PUM1: variants seen among roughly 807,000 people sequenced by gnomAD.
PUM1 encodes pumilio RNA binding family member 1, also known as pumilio homolog 1.
Under a neutral mutation model 131.8 loss-of-function variants are expected in PUM1, and 13 were observed. The observed-to-expected ratio is 0.10, with a 90% CI of 0.06 to 0.16. PUM1 has a LOEUF of 0.16. Among genes scored for constraint, PUM1 ranks in the 10% least tolerant of loss-of-function variants. The pLI is 1.00. For missense variants in PUM1, 961 were observed against 1,512.4 expected (o/e 0.64, Z 6.05); for synonymous variants, 509 against 556.5 (o/e 0.91, Z 1.20).
intron 21 of PUM1, among the ~76,000 whole-genome samples, chr1:30,933,686 C>T (rs1052861266): frequency 3.9e-5 from 6 of 152,176 alleles, no homozygotes; most frequent in African/African-American, 1.4e-4. Flanking sequence ...CTGCCCACTA[C>T]CCGCCAGCTG....
chr1:31,031,340 C>A (rs1643421728), intron 2 of PUM1, among the ~76,000 whole-genome samples: 2 of 152,124 alleles, frequency 1.3e-5, no homozygotes, highest in African/African-American at 2.4e-5. Context: ...ATTAAAAATT[C>A]TATTTATATG....
At chr1:30,957,600 T>C (rs1324218471) in intron 14 of PUM1, among the ~76,000 whole-genome samples, 1 of 152,260 alleles carries the variant, frequency 6.6e-6, no homozygotes, top group East Asian at 1.9e-4. Context: ...AGGGCTTAAA[T>C]GTTTTATTTA....
In PUM1 at chr1:30,964,685, C is replaced by T. The variant is rs150989434; in HGVS notation, c.2312G>A (p.Ser771Asn). 1.1e-5 allele frequency: 17 copies of T among 1,611,806 alleles called. No individual in the cohort carries two copies. Among genetic ancestry groups the T allele is most frequent in the Non-Finnish European group, 1.4e-5 (17 of 1,178,114 alleles). The change falls in exon 14 of 22, where the codon AGC becomes AAC. Residue 771 changes from serine (S) to asparagine (N), a missense_variant. This residue lies in a region of PUM1 where 117 missense variants were observed against 200.7 expected (regional missense o/e 0.58). Transcript: ENST00000426105. Reference protein sequence around the residue: ...PSLSSHGSSSSLNLGGLTNGS... With the variant: ...PSLSSHGSSSNLNLGGLTNGS... ...GTAATGGTTCTTACCCAGGTTTAAG[C>T]TTGAAGAGGATCCATGTGAAGAGAG...
chr1:31,019,765 A>G (rs960348223), intron 3 of PUM1, among the ~76,000 whole-genome samples: 1 of 152,224 alleles, frequency 6.6e-6, no homozygotes, highest in African/African-American at 2.4e-5. Flanking sequence ...CTGACAGTAA[A>G]GTATGTTGAT....
At chr1:30,979,917 T>G (rs1333925544) in intron 9 of PUM1, 145 bp downstream of exon 9, 2 of 604,518 alleles carry the variant, frequency 3.3e-6, no homozygotes, top group African/African-American at 1.9e-5. Flanking sequence ...TACGGAGAGA[T>G]ATTAAGCTGG....
intron 2 of PUM1, among the ~76,000 whole-genome samples, chr1:31,043,839 T>A (rs550628636): frequency 6.6e-6 from 1 of 152,146 alleles, no homozygotes; most frequent in East Asian, 1.9e-4. Context: ...AAATCCATAG[T>A]GTAAGTTGTA....
chr1:31,020,034 T>A (rs1276677883), intron 3 of PUM1, among the ~76,000 whole-genome samples: 2 of 152,166 alleles, frequency 1.3e-5, no homozygotes, highest in African/African-American at 4.8e-5. Flanking sequence ...AGTTACCCAA[T>A]AAGTAGTTTT....
chr1:31,038,984 A>ATATATTTTTTTTTTTTTT lies in PUM1; in HGVS notation c.364-10121_364-10120insAAAAAAAAAAAAAATATA. ...TATATATATATATATATATATATAT[A>ATATATTTTTTTTTTTTTT]TTTTTTTTTTTTTTTTCCTTTTCTC... On this transcript the variant is annotated intron_variant, in intron 2 of 21. Coordinates refer to ENST00000426105, the MANE Select transcript of PUM1 (RefSeq NM_001020658.2). Among the ~76,000 whole-genome samples, 16 of 49,418 alleles carry ATATATTTTTTTTTTTTTT rather than the reference A, an allele frequency of 3.2e-4. 1 individual carries two copies. Among genetic ancestry groups the ATATATTTTTTTTTTTTTT allele is most frequent in the African/African-American group, 1.0e-3 (5 of 4,832 alleles). 32.4% of individuals were successfully genotyped at this position (49,418 alleles called of 152,430 possible).
chr1:30,986,055 A>G (rs1641545374), intron 7 of PUM1, among the ~76,000 whole-genome samples: 1 of 152,236 alleles, frequency 6.6e-6, no homozygotes, highest in Non-Finnish European at 1.5e-5. Context: ...CCTGGGTTCA[A>G]GCGATTCTCC....
rs1639627319 is a variant in PUM1, at chr1:30,945,337, G to A, written c.2994+9C>T. ...TTTGTTTCCATTATTTCTCTCCTGG[G>A]TCACTTACCTGTCCCTTAAACGCAT... On this transcript the variant is annotated intron_variant, in intron 18 of 21. Coordinates refer to ENST00000426105, the MANE Select transcript of PUM1 (RefSeq NM_001020658.2). The A allele has an allele frequency of 8.7e-6, 14 of 1,613,508 alleles. No individual in the cohort carries two copies. Among genetic ancestry groups the A allele is most frequent in the Non-Finnish European group, 1.1e-5 (13 of 1,179,754 alleles).
chr1:31,019,260 G>A (rs758158710), intron 3 of PUM1, among the ~76,000 whole-genome samples: 4 of 152,220 alleles, frequency 2.6e-5, no homozygotes, highest in African/African-American at 9.6e-5. Flanking sequence ...GCTGAGGCAC[G>A]AGAATCACTT....
rs769516308 is a variant in PUM1 at position 31,028,806 on chromosome 1, G to C, written c.422C>G (p.Ala141Gly). Residue 141 changes from alanine to glycine, a missense_variant, in exon 3 of 22, where the codon GCG becomes GGG. Coordinates refer to ENST00000426105, the MANE Select transcript of PUM1 (RefSeq NM_001020658.2). ...CACCAGTTCACTTACCTCTCCCATCGCTCTTCCCTCCAGAGCAAGTGCTTG... is the reference window on the plus strand; with the variant it reads ...CACCAGTTCACTTACCTCTCCCATCCCTCTTCCCTCCAGAGCAAGTGCTTG... ...DFQALALEGRAMGEQLLPGKK... is the reference protein window; with the variant it reads ...DFQALALEGRGMGEQLLPGKK... 1 of 1,613,384 alleles carries C rather than the reference G, an allele frequency of 6.2e-7. No homozygotes were observed. Among genetic ancestry groups the C allele is most frequent in the Admixed American group, 1.7e-5 (1 of 60,016 alleles).
At position 30,967,514 on chromosome 1, in the gene PUM1, T is replaced by C. The variant is rs4949329; in HGVS notation, c.1646-204A>G. Among the ~76,000 whole-genome samples the C allele has an allele frequency of 0.7, 106,261 of 152,038 alleles. 38,770 individuals carry two copies. Among genetic ancestry groups the C allele is most frequent in the African/African-American group, 0.9 (37,281 of 41,494 alleles). On this transcript the variant is annotated intron_variant, in intron 11 of 21. Coordinates refer to ENST00000426105, the MANE Select transcript of PUM1 (RefSeq NM_001020658.2). The stretch of plus-strand genomic sequence containing the variant: ...TAGTACTTTCATACTACATAATAAT[T>C]TAAGAACAAATATCCTGCAAAATAG...
At chr1:31,025,289 G>A (rs940943281) in intron 3 of PUM1, among the ~76,000 whole-genome samples, 1 of 152,108 alleles carries the variant, frequency 6.6e-6, no homozygotes, top group African/African-American at 2.4e-5. Flanking sequence ...CGTAACAAGA[G>A]TCAACCAGCA....
chr1:31,035,890 T>C (rs193182700), intron 2 of PUM1, among the ~76,000 whole-genome samples: 38 of 152,342 alleles, frequency 2.5e-4, no homozygotes, highest in African/African-American at 7.5e-4. Context: ...CAAAACCTAT[T>C]GCATGATGTT....
At chr1:31,044,229 G>A (rs1287561248) in intron 2 of PUM1, among the ~76,000 whole-genome samples, 5 of 151,810 alleles carry the variant, frequency 3.3e-5, no homozygotes, top group Non-Finnish European at 2.9e-5. Context: ...GTGAAACCCC[G>A]TCTCAACTAA....
intron 1 of PUM1, among the ~76,000 whole-genome samples, chr1:31,061,037 T>G (rs1456936224): frequency 6.6e-6 from 1 of 152,224 alleles, no homozygotes. Flanking sequence ...CACTGATTTT[T>G]AAAAGCATTA....
intron 21 of PUM1, 99 bp from the exon 22 acceptor site, chr1:30,933,441 C>CACACACAT: frequency 2.0e-5 from 3 of 146,936 alleles, no homozygotes; most frequent in South Asian, 1.3e-4. Flanking sequence ...CACACACATA[C>CACACACAT]ACACACACAC....
intron 2 of PUM1, among the ~76,000 whole-genome samples, chr1:31,041,372 C>T (rs2124570268): frequency 6.7e-6 from 1 of 149,886 alleles, no homozygotes; most frequent in Middle Eastern, 3.5e-3. Context: ...CCATCACGGC[C>T]AGTCAAAAAG....
Sources: allele counts gnomAD v4.1 joint callset (sites outside exome capture counted in the v4.1 genomes callset), GRCh38; gene constraint gnomAD v4.1.1; regional missense constraint gnomAD v4.1.1; transcripts MANE v1.5; gene names NCBI Gene and HGNC (gene_info 2026-07-23, HGNC 2026-07-21).